The following HEATR5A variants were observed in gnomAD, a reference collection of about 807,000 sequenced individuals.
HEATR5A encodes the protein HEAT repeat-containing protein 5A.
HEATR5A carries 178 observed loss-of-function variants against 218.8 expected under a neutral mutation model. That is an observed-to-expected ratio of 0.81 (90% CI 0.72 to 0.92). The LOEUF (loss-of-function observed/expected upper bound fraction) is 0.92. Ranked by LOEUF, HEATR5A falls within the 40% of genes least tolerant of loss-of-function variation. The probability of loss-of-function intolerance (pLI) is 0.00; values close to 1 mark genes in which losing one functional copy is unlikely to be tolerated. For missense variants in HEATR5A, 2,420 were observed against 2,418.9 expected (o/e 1.00, Z -0.01); for synonymous variants, 864 against 871.6 (o/e 0.99, Z 0.15).
chr14:31,321,439 G>T, intron 25 of HEATR5A, 60 bp downstream of exon 25: 2 of 1,340,584 alleles, frequency 1.5e-6, no homozygotes, highest in Non-Finnish European at 2.0e-6. Context: ...ACCATGCCTG[G>T]CCTCATAGAC....
rs199521807 is a variant in HEATR5A at position 31,336,237 on chromosome 14, T to C, written c.3367+1239A>G. Among the ~76,000 whole-genome samples the C allele has an allele frequency of 4.0e-5, 4 of 99,518 alleles. 1 individual carries two copies. Among genetic ancestry groups the C allele is most frequent in the African/African-American group, 2.2e-4 (4 of 17,960 alleles). 65.3% of individuals were successfully genotyped at this position (99,518 alleles called of 152,430 possible). A position where few individuals can be genotyped will look rare whatever the true frequency, so the allele number is the denominator to read the frequency against. On this transcript the variant is annotated intron_variant, in intron 22 of 35. Coordinates refer to ENST00000543095, the MANE Select transcript of HEATR5A (RefSeq NM_015473.4). The stretch of plus-strand genomic sequence containing the variant: ...ACATACATATATATATATATATATA[T>C]ATATATATATATATATATATATATA...
chr14:31,386,018 T>C (rs11156668), intron 9 of HEATR5A, among the ~76,000 whole-genome samples: 130,390 of 152,228 alleles, frequency 0.86, 56,562 homozygotes, highest in Non-Finnish European at 0.94. Context: ...TGAGCCACTG[T>C]GCCTAGCCAT....
intron 19 of HEATR5A, among the ~76,000 whole-genome samples, chr14:31,346,463 G>A (rs1028949432): frequency 3.9e-5 from 6 of 152,134 alleles, no homozygotes; most frequent in Admixed American, 3.9e-4. Flanking sequence ...TTGGTGAGAT[G>A]GTGGTTATAC....
At chr14:31,299,920 C>T (rs995271965) in intron 33 of HEATR5A, among the ~76,000 whole-genome samples, 2 of 151,508 alleles carry the variant, frequency 1.3e-5, no homozygotes, top group Non-Finnish European at 2.9e-5. Context: ...CCTGTAATCC[C>T]AGATACTCAG....
rs1902046503 is a variant in HEATR5A, at chr14:31,371,791, C to T, written c.1961+19G>A. The T allele has an allele frequency of 1.5e-6, 2 of 1,313,046 alleles. No individual in the cohort carries two copies. Among genetic ancestry groups the T allele is most frequent in the Non-Finnish European group, 2.1e-6 (2 of 956,482 alleles). The allele number at this position is 1,313,046 out of a possible 1,614,324, so 81.3% of individuals were successfully genotyped here. On this transcript the variant is annotated intron_variant, in intron 13 of 35. Transcript: ENST00000543095. ...CATAATCAGAGGGCAACTATCAAAT[C>T]TAAACAGTCGATGCTTACTGAGTTA...
In HEATR5A at chr14:31,402,991, T is replaced by G; in HGVS notation, c.-16A>C. 6.5e-7 allele frequency: 1 copy of G among 1,532,934 alleles called. No homozygotes were observed. Among genetic ancestry groups the G allele is most frequent in the Non-Finnish European group, 8.7e-7 (1 of 1,144,988 alleles). The allele number at this position is 1,532,934 out of a possible 1,614,324, so 95.0% of individuals were successfully genotyped here. On this transcript the variant is annotated 5_prime_UTR_variant, in exon 2 of 36. Coordinates refer to ENST00000543095, the MANE Select transcript of HEATR5A (RefSeq NM_015473.4). ...CTAATTCCATTCCTTGCAGCAATCC[T>G]CCCAGCTGATCACAGTTCTTCTCGT...
At chr14:31,389,987 A>C (rs1475522554) in intron 6 of HEATR5A, among the ~76,000 whole-genome samples, 1 of 152,176 alleles carries the variant, frequency 6.6e-6, no homozygotes, top group African/African-American at 2.4e-5. Context: ...AGTGAAGTGT[A>C]GTTTGTGACT....
intron 4 of HEATR5A, 150 bp from the exon 5 acceptor site, chr14:31,395,498 T>C: frequency 2.3e-6 from 1 of 429,234 alleles, no homozygotes; most frequent in Non-Finnish European, 4.1e-6. Flanking sequence ...CAAGTTACTA[T>C]TTTATGAAAT....
At chr14:31,411,647 T>G (rs2031275583) in intron 1 of HEATR5A, among the ~76,000 whole-genome samples, 2 of 152,322 alleles carry the variant, frequency 1.3e-5, no homozygotes, top group Admixed American at 6.5e-5. Context: ...ATGTGCACTA[T>G]GTACTGCCAA....
chr14:31,346,064 A>C (rs555259355), intron 19 of HEATR5A, among the ~76,000 whole-genome samples: 2 of 152,318 alleles, frequency 1.3e-5, no homozygotes, highest in Admixed American at 1.3e-4. Context: ...GTAAATTAAA[A>C]GCTCTCTCTT....
intron 14 of HEATR5A, among the ~76,000 whole-genome samples, chr14:31,363,363 C>G (rs1901693158): frequency 6.6e-6 from 1 of 152,076 alleles, no homozygotes; most frequent in African/African-American, 2.4e-5. Flanking sequence ...CAGAAATTAT[C>G]TCTCAGCTTT....
chr14:31,335,557 A>C lies in HEATR5A; in HGVS notation c.3367+1919T>G, dbSNP rs114020199. ...AAGAGCATAGATTACTGATAGTAAA[A>C]TATATTATGGACCTAAAAGCTTAAG... is the stretch of plus-strand genomic sequence containing the variant. On this transcript the variant is annotated intron_variant, in intron 22 of 35. Transcript: ENST00000543095. 8.7e-3 allele frequency among the ~76,000 whole-genome samples: 1,324 copies of C among 152,282 alleles called. 14 individuals carry two copies. Among genetic ancestry groups the C allele is most frequent in the African/African-American group, 0.03 (1,235 of 41,564 alleles).
rs1284991001 is a variant in HEATR5A at position 31,380,479 on chromosome 14, G to A, written c.1696C>T (p.Leu566=). The A allele has an allele frequency of 6.2e-7, 1 of 1,603,768 alleles. No homozygotes were observed. The highest frequency in any genetic ancestry group is 8.5e-7 in the Non-Finnish European group (1 of 1,174,248). The change falls in exon 11 of 36, where the codon CTG becomes TTG. Residue 566 remains leucine (L), a synonymous_variant. Coordinates refer to ENST00000543095, the MANE Select transcript of HEATR5A (RefSeq NM_015473.4). ...TQAGWLLISA[L]MTLGPAVVSH... ...TACAGACTGTTACCTAATGTCATCA[G>A]AGCAGAAATCAGCAACCATCCAGCT...
At chr14:31,295,435 T>A (rs1899152570) in intron 34 of HEATR5A, 1 of 152,614 alleles carries the variant, frequency 6.6e-6, no homozygotes, top group Non-Finnish European at 1.5e-5. Flanking sequence ...TTTGTAGGGA[T>A]GCATTCTCAC....
intron 11 of HEATR5A, among the ~76,000 whole-genome samples, chr14:31,379,765 G>A (rs1305885484): frequency 6.6e-6 from 1 of 152,094 alleles, no homozygotes; most frequent in African/African-American, 2.4e-5. Context: ...ACGAGCCTGG[G>A]CAACATAGTG....
rs950794790 is a variant in HEATR5A, at chr14:31,371,849, A to C, written c.1922T>G (p.Leu641Arg). Residue 641 changes from leucine to arginine, a missense_variant, in exon 13 of 36, where the codon CTT becomes CGT. Physicochemically the swap from Leu to Arg is moderately radical, Grantham distance 102 (BLOSUM62 -2). Coordinates refer to ENST00000543095, the MANE Select transcript of HEATR5A (RefSeq NM_015473.4). Reference protein sequence around the residue: ...DLLTEEVTQRLLPPLPCAVDL... With the variant: ...DLLTEEVTQRRLPPLPCAVDL... ...CACAGCACAAGGAAGTGGTGGAAGA[A>C]GACGCTGAGTTACTTCCTCAGTAAG... 2.6e-6 allele frequency: 4 copies of C among 1,552,970 alleles called. No homozygotes were observed. The African/African-American group carries it at 4.1e-5, about 16-fold the overall frequency.
chr14:31,353,323 T>C (rs111757147), intron 16 of HEATR5A, among the ~76,000 whole-genome samples: 284 of 152,330 alleles, frequency 1.9e-3, no homozygotes, highest in African/African-American at 6.3e-3. Context: ...ACTATAATAG[T>C]ATTACTGAAT....
Position 31,323,691 on chromosome 14 carries a change from G to C in HEATR5A, c.3661C>G (p.Pro1221Ala). The change falls in exon 24 of 36, where the codon CCC becomes GCC. Residue 1221 changes from proline to alanine, a missense_variant. Pro to Ala is a conservative substitution (Grantham distance 27, BLOSUM62 -1). Transcript: ENST00000543095. ...GCAAAGACTCTAGTAGCCCATCGGG[G>C]ATTGGTAAAAGGATGGGATTTTTCA... Reference protein sequence around the residue: ...RDEKSHPFTNPRWATRVFAAE... With the variant: ...RDEKSHPFTNARWATRVFAAE... 6.2e-7 allele frequency: 1 copy of C among 1,613,678 alleles called. No homozygotes were observed. The highest frequency in any genetic ancestry group is 8.5e-7 in the Non-Finnish European group (1 of 1,179,752).
Position 31,371,997 on chromosome 14 carries a change from T to C in HEATR5A, c.1862-88A>G, listed in dbSNP as rs571593688. ...TTATGGTACAACATTAGCATTGTTA[T>C]TAGAGTAATAAAGCAATTTGCTAAA... On this transcript the variant is annotated intron_variant, in intron 12 of 35. Coordinates refer to ENST00000543095, the MANE Select transcript of HEATR5A (RefSeq NM_015473.4). 5 of 581,018 alleles carry C rather than the reference T, an allele frequency of 8.6e-6. No individual in the cohort carries two copies. The Admixed American group carries it at 1.8e-4, about 21-fold the overall frequency. The allele number at this position is 581,018 out of a possible 1,614,324, so 36.0% of individuals were successfully genotyped here.
Sources: allele counts gnomAD v4.1 joint callset (sites outside exome capture counted in the v4.1 genomes callset), GRCh38; gene constraint gnomAD v4.1.1; transcripts MANE v1.5; gene names NCBI Gene and HGNC (gene_info 2026-07-23, HGNC 2026-07-21).